Variants in XRRA1 observed in about 807,000 individuals in gnomAD.
XRRA1 encodes X-ray radiation resistance associated 1.
Under a neutral mutation model 80.2 loss-of-function variants are expected in XRRA1, and 69 were observed. The ratio of observed to expected loss-of-function variants is 0.86; its 90% CI spans 0.71 to 1.05. The LOEUF is 1.05. XRRA1 is among the 50% of genes least tolerant of loss of function. XRRA1 has a pLI of 0.00. For synonymous variants in XRRA1, 348 were observed against 389.9 expected, an observed-to-expected ratio of 0.89 and a Z score of 1.27; for missense variants, 967 against 976.4, an observed-to-expected ratio of 0.99 and a Z score of 0.13.
chr11:74,933,127 A>G (rs1461553070), intron 5 of XRRA1: 1 of 152,204 alleles, frequency 6.6e-6, no homozygotes, highest in African/African-American at 2.4e-5. Flanking sequence ...AACCATTACA[A>G]TTGCTGGCAT....
intron 7 of XRRA1, among the ~76,000 whole-genome samples, chr11:74,921,751 T>C (rs1019293311): frequency 4.6e-5 from 7 of 152,172 alleles, no homozygotes; most frequent in African/African-American, 1.7e-4. Context: ...TCCCCTAACT[T>C]TGACTGCTTT....
chr11:74,852,110 G>A, intron 12 of XRRA1, 28 bp from the exon 13 acceptor site: 1 of 1,585,092 alleles, frequency 6.3e-7, no homozygotes, highest in Non-Finnish European at 8.7e-7. Flanking sequence ...GAGACTCTCA[G>A]GTTGACACCA....
intron 10 of XRRA1, among the ~76,000 whole-genome samples, chr11:74,878,754 G>A (rs1425513619): frequency 1.3e-5 from 2 of 150,380 alleles, no homozygotes; most frequent in African/African-American, 2.4e-5. Context: ...TCTCAGGTTT[G>A]TCAAAGATCA....
chr11:74,877,609 C>T (rs997518793), intron 10 of XRRA1, among the ~76,000 whole-genome samples: 1 of 110,242 alleles, frequency 9.1e-6, no homozygotes, highest in African/African-American at 3.5e-5. Flanking sequence ...CTATCCCTCC[C>T]CCCTCCCCCC....
At chr11:74,857,210 C>T (rs1466142640) in intron 12 of XRRA1, among the ~76,000 whole-genome samples, 1 of 152,176 alleles carries the variant, frequency 6.6e-6, no homozygotes, top group Non-Finnish European at 1.5e-5. Flanking sequence ...GAGAAAAACA[C>T]TCTGGCACCC....
intron 10 of XRRA1, among the ~76,000 whole-genome samples, chr11:74,900,695 G>A (rs1374605703): frequency 1.3e-5 from 2 of 152,158 alleles, no homozygotes; most frequent in East Asian, 3.8e-4. Context: ...ACAGAATGAA[G>A]GACTAAAACC....
chr11:74,858,895 G>A (rs2041719749), intron 12 of XRRA1, among the ~76,000 whole-genome samples: 2 of 152,158 alleles, frequency 1.3e-5, no homozygotes, highest in African/African-American at 4.8e-5. Context: ...GGGCAGAGAG[G>A]CCAAGTCTCT....
At chr11:74,870,937 T>C (rs1451054115) in intron 10 of XRRA1, among the ~76,000 whole-genome samples, 3 of 152,226 alleles carry the variant, frequency 2.0e-5, no homozygotes, top group Non-Finnish European at 2.9e-5. Context: ...CTCATTAAAA[T>C]GGTACTTAAA....
intron 10 of XRRA1, among the ~76,000 whole-genome samples, chr11:74,878,792 C>A (rs1220418183): frequency 6.6e-6 from 1 of 151,550 alleles, no homozygotes. Context: ...GGCATTATTT[C>A]TGAGGGCTCT....
intron 8 of XRRA1, among the ~76,000 whole-genome samples, chr11:74,916,942 T>A (rs1420735274): frequency 6.6e-6 from 1 of 152,220 alleles, no homozygotes. Context: ...ACATTCTAAT[T>A]TCCTCTGTAT....
intron 4 of XRRA1, among the ~76,000 whole-genome samples, chr11:74,935,534 T>C (rs1944752137): frequency 2.6e-5 from 4 of 152,230 alleles, no homozygotes; most frequent in Admixed American, 2.6e-4. Flanking sequence ...ATTTGACAAC[T>C]ATCTTGTAAA....
intron 3 of XRRA1, among the ~76,000 whole-genome samples, chr11:74,940,271 G>A (rs1946051356): frequency 6.6e-6 from 1 of 152,086 alleles, no homozygotes; most frequent in South Asian, 2.1e-4. Flanking sequence ...ATTTTATTTA[G>A]GAGTTTGGCA....
At chr11:74,944,682 G>A (rs1947143214) in intron 2 of XRRA1, among the ~76,000 whole-genome samples, 1 of 152,164 alleles carries the variant, frequency 6.6e-6, no homozygotes, top group African/African-American at 2.4e-5. Flanking sequence ...CTCACCTGTT[G>A]TGGGGCCTAT....
At chr11:74,925,000 T>G (rs887784598) in intron 7 of XRRA1, among the ~76,000 whole-genome samples, 1 of 152,226 alleles carries the variant, frequency 6.6e-6, no homozygotes, top group African/African-American at 2.4e-5. Context: ...ATATTAGGCC[T>G]GCTGTACAGA....
In XRRA1 at chr11:74,843,191, T is replaced by C; in HGVS notation, c.*9A>G. ...GGCCGGGTGGTGCACACAGCCCCCA[T>C]GCACAGCTCTAGCCTTGTGAGTCAC... is the stretch of plus-strand genomic sequence containing the variant. On this transcript the variant is annotated 3_prime_UTR_variant, in exon 19 of 19. Coordinates refer to ENST00000684022, the MANE Select transcript of XRRA1 (RefSeq NM_001378157.1). The C allele has an allele frequency of 1.3e-6, 2 of 1,551,434 alleles. No individual in the cohort carries two copies. The highest frequency in any genetic ancestry group is 1.2e-5 in the South Asian group (1 of 83,916).
chr11:74,883,495 G>A (rs1451538081), intron 10 of XRRA1, among the ~76,000 whole-genome samples: 1 of 152,010 alleles, frequency 6.6e-6, no homozygotes, highest in Admixed American at 6.6e-5. Flanking sequence ...GCTGGGAGCT[G>A]TAGACCGGAG....
At chr11:74,939,290 T>C (rs112191571) in intron 3 of XRRA1, among the ~76,000 whole-genome samples, 41 of 152,282 alleles carry the variant, frequency 2.7e-4, no homozygotes, top group African/African-American at 9.6e-4. Context: ...AGGTGAAGGT[T>C]GCAGTGAGCC....
At chr11:74,863,692 C>T (rs573879322) in intron 10 of XRRA1, 42 of 152,282 alleles carry the variant, frequency 2.8e-4, no homozygotes, top group African/African-American at 8.9e-4. Flanking sequence ...TCACCTTTAC[C>T]CTAGTTAACC....
intron 8 of XRRA1, among the ~76,000 whole-genome samples, chr11:74,916,320 C>T (rs1175085423): frequency 6.6e-6 from 1 of 152,086 alleles, no homozygotes; most frequent in Non-Finnish European, 1.5e-5. Flanking sequence ...TGATGGTATC[C>T]CAATCCCACA....
Sources: gnomAD v4.1 joint callset for allele counts (sites outside exome capture counted in the v4.1 genomes callset) on GRCh38, gnomAD v4.1.1 for gene constraint, MANE v1.5 for transcripts, NCBI Gene and HGNC (gene_info 2026-07-23, HGNC 2026-07-21) for gene names.